The following XPO7 variants were observed in gnomAD, a reference collection of about 807,000 sequenced individuals.
XPO7 encodes the protein exportin-7.
A neutral mutation model predicts 144.3 loss-of-function variants in XPO7; 21 were observed. The observed-to-expected ratio is 0.15, with a 90% CI of 0.10 to 0.21. The LOEUF (loss-of-function observed/expected upper bound fraction) is 0.21, where lower values mean the gene tolerates loss of function less well. Ranked by LOEUF, XPO7 falls within the 10% of genes least tolerant of loss-of-function variation. The probability of loss-of-function intolerance (pLI) is 1.00; values close to 1 mark genes in which losing one functional copy is unlikely to be tolerated. For missense variants in XPO7, 808 were observed against 1,325.8 expected, an observed-to-expected ratio of 0.61 and a Z score of 6.06; for synonymous variants, 580 against 499.6, an observed-to-expected ratio of 1.16 and a Z score of -2.15.
At chr8:21,991,661 A>G in intron 18 of XPO7, 1 of 422,678 alleles carries the variant, frequency 2.4e-6, no homozygotes, top group African/African-American at 2.0e-5. Context: ...AGCCTAGACT[A>G]GGTGATTTCT....
chr8:21,958,768 T>G (rs1811623491), intron 1 of XPO7, among the ~76,000 whole-genome samples: 1 of 152,006 alleles, frequency 6.6e-6, no homozygotes, highest in Non-Finnish European at 1.5e-5. Flanking sequence ...GAGACCAGCC[T>G]GGCCAACATG....
At chr8:21,962,514 G>A (rs77545491) in intron 1 of XPO7, among the ~76,000 whole-genome samples, 1,751 of 152,238 alleles carry the variant, frequency 0.012, 29 homozygotes, top group South Asian at 0.08. Flanking sequence ...TTACTAATGT[G>A]AAGAGTTAAT....
intron 3 of XPO7, 60 bp from the exon 4 acceptor site, chr8:21,970,084 C>G: frequency 3.2e-6 from 5 of 1,558,710 alleles, no homozygotes; most frequent in Non-Finnish European, 4.3e-6. Context: ...GATATACACC[C>G]TTCTCTGGCA....
At chr8:21,926,954 C>T (rs553532680) in intron 1 of XPO7, among the ~76,000 whole-genome samples, 7 of 152,320 alleles carry the variant, frequency 4.6e-5, no homozygotes, top group African/African-American at 1.4e-4. Flanking sequence ...ATAAAACTTA[C>T]TGGAAAATGT....
At chr8:21,966,638 T>A (rs375933819) in intron 1 of XPO7, among the ~76,000 whole-genome samples, 4,454 of 37,300 alleles carry the variant, frequency 0.12, 211 homozygotes, top group African/African-American at 0.38. Context: ...GATGAAAAAG[T>A]TATATAGGTA....
chr8:21,956,209 TTC>T (rs940213878), intron 1 of XPO7, among the ~76,000 whole-genome samples: 45 of 152,310 alleles, frequency 3.0e-4, no homozygotes, highest in African/African-American at 1.1e-3. Flanking sequence ...CTGGAGCTCT[TTC>T]TCTAGAGGAT....
At position 21,969,629 on chromosome 8, in the gene XPO7, G is replaced by A; in HGVS notation, c.259+53G>A. The A allele has an allele frequency of 3.4e-6, 5 of 1,476,286 alleles. No homozygotes were observed. In the South Asian group the frequency reaches 3.5e-5, roughly 10 times the overall value. The allele number at this position is 1,476,286 out of a possible 1,614,324, so 91.4% of individuals were successfully genotyped here. On this transcript the variant is annotated intron_variant, in intron 3 of 27. Transcript: ENST00000252512. ...TGAAGAAAATAGTTTGTTTAGTGATGTGCTAGTAATAGTCAAATGTACGTG... is the reference window on the plus strand; with the variant it reads ...TGAAGAAAATAGTTTGTTTAGTGATATGCTAGTAATAGTCAAATGTACGTG...
In XPO7 at chr8:21,999,128, TCAG is replaced by T; in HGVS notation, c.2467_2469del (p.Gln823del). Reference sequence around the variant, plus strand: ...TGACACTAGGAGAGGTCCCAAAGGATCAGGTCTATGCTCTGAAGCTCAAGGGCA... The same window carrying T: ...TGACACTAGGAGAGGTCCCAAAGGATGTCTATGCTCTGAAGCTCAAGGGCA... On this transcript the variant is annotated inframe_deletion, in exon 23 of 28. Transcript: ENST00000252512. The T allele has an allele frequency of 6.2e-7, 1 of 1,613,906 alleles. No homozygotes were observed. Among genetic ancestry groups the T allele is most frequent in the Non-Finnish European group, 8.5e-7 (1 of 1,179,870 alleles).
chr8:21,999,310 G>A lies in XPO7; in HGVS notation c.2643+5G>A. 6.2e-7 allele frequency: 1 copy of A among 1,612,352 alleles called. No homozygotes were observed. The highest frequency in any genetic ancestry group is 8.5e-7 in the Non-Finnish European group (1 of 1,179,778). On this transcript the variant is annotated splice_donor_5th_base_variant and intron_variant, in intron 23 of 27. Transcript: ENST00000252512. ...ATTCCTCACAGTGATCTCTTGGTAAGCCTTACGCTGCATTGCCACAATCTT... is the reference window on the plus strand; with the variant it reads ...ATTCCTCACAGTGATCTCTTGGTAAACCTTACGCTGCATTGCCACAATCTT...
At chr8:21,999,434 C>A in intron 23 of XPO7, 102 bp from the exon 24 acceptor site, 1 of 1,574,032 alleles carries the variant, frequency 6.4e-7, no homozygotes, top group Non-Finnish European at 8.7e-7. Context: ...ACTAAGTCTT[C>A]TGTTTTCCCA....
At chr8:21,944,882 C>T (rs1157467778) in intron 1 of XPO7, among the ~76,000 whole-genome samples, 4 of 152,136 alleles carry the variant, frequency 2.6e-5, no homozygotes, top group Non-Finnish European at 5.9e-5. Flanking sequence ...CCATTTAACC[C>T]TTAGTGGACA....
At chr8:21,923,281 C>G (rs951278462) in intron 1 of XPO7, among the ~76,000 whole-genome samples, 6 of 152,170 alleles carry the variant, frequency 3.9e-5, no homozygotes, top group African/African-American at 1.4e-4. Context: ...AATTCTGATG[C>G]TCTTTTGGCA....
chr8:21,930,451 G>A (rs761971441), intron 1 of XPO7, among the ~76,000 whole-genome samples: 14 of 152,130 alleles, frequency 9.2e-5, no homozygotes, highest in African/African-American at 2.4e-4. Flanking sequence ...AACATAAGAC[G>A]TAAGGGTCAG....
At chr8:21,980,302 G>C in intron 9 of XPO7, 99 bp downstream of exon 9, 1 of 1,397,684 alleles carries the variant, frequency 7.2e-7, no homozygotes, top group Non-Finnish European at 9.5e-7. Flanking sequence ...AAACAATTCA[G>C]TCTGTTCTTC....
intron 15 of XPO7, 93 bp from the exon 16 acceptor site, chr8:21,988,910 C>A: frequency 8.5e-7 from 1 of 1,183,394 alleles, no homozygotes; most frequent in Non-Finnish European, 1.2e-6. Flanking sequence ...TGTGTGGTGA[C>A]TTTTGATGAA....
At chr8:21,946,878 T>A (rs1323486434) in intron 1 of XPO7, among the ~76,000 whole-genome samples, 1 of 152,086 alleles carries the variant, frequency 6.6e-6, no homozygotes, top group African/African-American at 2.4e-5. Flanking sequence ...TAAAGACATC[T>A]CAACAGCAAC....
chr8:21,971,729 C>T (rs1812068098), intron 4 of XPO7, 147 bp from the exon 5 acceptor site: 2 of 489,238 alleles, frequency 4.1e-6, no homozygotes, highest in African/African-American at 2.0e-5. Context: ...AGCAAAACAA[C>T]AGTTTTAAAC....
In XPO7 at chr8:22,006,295, GA is replaced by G. The variant is rs1813328441; in HGVS notation, c.*1211del. 6.6e-6 allele frequency: 1 copy of G among 152,016 alleles called. No homozygotes were observed. Among genetic ancestry groups the G allele is most frequent in the Non-Finnish European group, 1.5e-5 (1 of 67,992 alleles). 9.4% of individuals were successfully genotyped at this position (152,016 alleles called of 1,614,324 possible). On this transcript the variant is annotated 3_prime_UTR_variant, in exon 28 of 28. Transcript: ENST00000252512. ...TTAAAAAAAATAATAACCTACAGAG[GA>G]AAATTAATGGAGACAGCTATTTGCC...
intron 1 of XPO7, among the ~76,000 whole-genome samples, chr8:21,939,177 A>G (rs1585423265): frequency 6.6e-6 from 1 of 150,846 alleles, no homozygotes; most frequent in Non-Finnish European, 1.5e-5. Context: ...TATGGAATAT[A>G]CCCATTGTTT....
Sources: gnomAD v4.1 joint callset for allele counts (sites outside exome capture counted in the v4.1 genomes callset) on GRCh38, gnomAD v4.1.1 for gene constraint, MANE v1.5 for transcripts, NCBI Gene and HGNC (gene_info 2026-07-23, HGNC 2026-07-21) for gene names.